Variants in UNC5A observed in about 807,000 individuals in gnomAD.
The protein encoded by UNC5A is unc-5 netrin receptor A, also known as netrin receptor UNC5A.
Under a neutral mutation model 87.4 loss-of-function variants are expected in UNC5A, and 20 were observed. The ratio of observed to expected loss-of-function variants is 0.23; its 90% CI spans 0.16 to 0.33. The LOEUF (loss-of-function observed/expected upper bound fraction) is 0.33, where lower values mean the gene tolerates loss of function less well. UNC5A is among the 10% of genes least tolerant of loss of function. The probability of loss-of-function intolerance (pLI) is 1.00; values close to 1 mark genes in which losing one functional copy is unlikely to be tolerated. For missense variants in UNC5A, 844 were observed against 1,133.4 expected, an observed-to-expected ratio of 0.74 and a Z score of 3.67; for synonymous variants, 438 against 482.3, an observed-to-expected ratio of 0.91 and a Z score of 1.20.
chr5:176,815,501 T>C (rs1581239849), intron 1 of UNC5A, among the ~76,000 whole-genome samples: 1 of 152,256 alleles, frequency 6.6e-6, no homozygotes, highest in African/African-American at 2.4e-5. Context: ...GTCCCCAGCC[T>C]GTTTCCACAT....
chr5:176,878,067 C>T lies in UNC5A; in HGVS notation c.1809C>T (p.Cys603=). The stretch of plus-strand genomic sequence containing the variant: ...TGCTTCTGTTTGCGCCGGTGGCCTG[C>T]ACCTCCCTCGAGTACAACATCCGGG... ...LKLLLFAPVA[C]TSLEYNIRVY... The change falls in exon 11 of 15, where the codon TGC becomes TGT. Residue 603 remains cysteine, a synonymous_variant. Transcript: ENST00000329542. 1 of 1,609,880 alleles carries T rather than the reference C, an allele frequency of 6.2e-7. No individual in the cohort carries two copies. Among genetic ancestry groups the T allele is most frequent in the Non-Finnish European group, 8.5e-7 (1 of 1,179,954 alleles).
At chr5:176,825,081 A>G (rs1354852026) in intron 1 of UNC5A, among the ~76,000 whole-genome samples, 1 of 152,124 alleles carries the variant, frequency 6.6e-6, no homozygotes, top group Non-Finnish European at 1.5e-5. Flanking sequence ...GTGGTGGAGG[A>G]TAGTCAGGTG....
chr5:176,828,519 C>G (rs1258738549), intron 1 of UNC5A, among the ~76,000 whole-genome samples: 1 of 152,132 alleles, frequency 6.6e-6, no homozygotes, highest in Admixed American at 6.5e-5. Flanking sequence ...CCTCAGCCCC[C>G]CCATCTTCCC....
At chr5:176,851,167 C>T (rs1757533339) in intron 1 of UNC5A, among the ~76,000 whole-genome samples, 1 of 152,260 alleles carries the variant, frequency 6.6e-6, no homozygotes. Flanking sequence ...TCTCGACTTA[C>T]TGTGCCTCTC....
At position 176,810,756 on chromosome 5, in the gene UNC5A, C is replaced by T. The variant is rs1234762399; in HGVS notation, c.6C>T (p.Ala2=). The T allele has an allele frequency of 3.4e-6, 4 of 1,180,768 alleles. No homozygotes were observed. Among genetic ancestry groups the T allele is most frequent in the African/African-American group, 3.2e-5 (2 of 62,046 alleles). The allele number at this position is 1,180,768 out of a possible 1,614,324, so 73.1% of individuals were successfully genotyped here. Reference sequence around the variant, plus strand: ...CCGCCTGCCCGCCCGCGGCCATGGCCGTCCGGCCCGGCCTGTGGCCAGCGC... The same window carrying T: ...CCGCCTGCCCGCCCGCGGCCATGGCTGTCCGGCCCGGCCTGTGGCCAGCGC... M[A]VRPGLWPALL... is the part of the protein sequence containing the mutation. The change falls in exon 1 of 15, where the codon GCC becomes GCT. Residue 2 remains alanine (A), a synonymous_variant. Coordinates refer to ENST00000329542, the MANE Select transcript of UNC5A (RefSeq NM_133369.3). This position sits in a 1 kb window ranked among gnomAD's most constrained non-coding sequence, Gnocchi z 7.3.
chr5:176,833,796 C>T (rs930605152), intron 1 of UNC5A, among the ~76,000 whole-genome samples: 1 of 151,734 alleles, frequency 6.6e-6, no homozygotes, highest in Non-Finnish European at 1.5e-5. Context: ...GCAAGCTCCA[C>T]CTCCTGGGTT....
intron 1 of UNC5A, among the ~76,000 whole-genome samples, chr5:176,839,980 G>A (rs146172992): frequency 0.015 from 2,227 of 151,968 alleles, 38 homozygotes; most frequent in African/African-American, 0.042. Context: ...TCAGCCTCCT[G>A]AGTAGCTGGG....
intron 6 of UNC5A, among the ~76,000 whole-genome samples, chr5:176,870,786 C>A (rs1758090890): frequency 6.6e-6 from 1 of 151,800 alleles, no homozygotes; most frequent in Non-Finnish European, 1.5e-5. Flanking sequence ...CCCACACTTA[C>A]CCAACACCAC....
Position 176,874,911 on chromosome 5 carries a change from C to T in UNC5A, c.1378+345C>T, listed in dbSNP as rs561367590. Among the ~76,000 whole-genome samples, 3 of 152,328 alleles carry T rather than the reference C, an allele frequency of 2.0e-5. No homozygotes were observed. Among genetic ancestry groups the T allele is most frequent in the South Asian group, 2.1e-4 (1 of 4,832 alleles). Reference sequence around the variant, plus strand: ...ACAACCAAGGGCAAACAGATGAGCACGGGCCTGGGCAGAGGCCATCCTGGA... The same window carrying T: ...ACAACCAAGGGCAAACAGATGAGCATGGGCCTGGGCAGAGGCCATCCTGGA... On this transcript the variant is annotated intron_variant, in intron 8 of 14. Coordinates refer to ENST00000329542, the MANE Select transcript of UNC5A (RefSeq NM_133369.3). This position sits in a 1 kb window ranked among gnomAD's most constrained non-coding sequence, Gnocchi z 7.6.
At chr5:176,858,768 A>AAGGAAGGCAGGC (rs1554098977) in intron 1 of UNC5A, among the ~76,000 whole-genome samples, 5 of 135,870 alleles carry the variant, frequency 3.7e-5, no homozygotes, top group Admixed American at 7.1e-5. Context: ...GGAAGGAAGG[A>AAGGAAGGCAGGC]AGGAAGGCAA....
chr5:176,832,506 G>A (rs920267132), intron 1 of UNC5A, among the ~76,000 whole-genome samples: 2 of 152,170 alleles, frequency 1.3e-5, no homozygotes, highest in Non-Finnish European at 2.9e-5. Context: ...TGAAGGATGG[G>A]GACAGCAGTC....
intron 8 of UNC5A, among the ~76,000 whole-genome samples, chr5:176,876,013 G>A (rs923329216): frequency 7.2e-5 from 11 of 152,234 alleles, no homozygotes; most frequent in African/African-American, 1.2e-4. Flanking sequence ...CTTGCTCTTC[G>A]CTCCCCAGGC....
chr5:176,829,269 C>A (rs1252248781), intron 1 of UNC5A, among the ~76,000 whole-genome samples: 4 of 124,090 alleles, frequency 3.2e-5, no homozygotes, highest in South Asian at 5.3e-4. Flanking sequence ...GGATGGGTGG[C>A]TGGATGGATG....
chr5:176,827,463 G>T (rs1024577218), intron 1 of UNC5A, among the ~76,000 whole-genome samples: 1 of 152,170 alleles, frequency 6.6e-6, no homozygotes. Flanking sequence ...GATTACAGGT[G>T]TGAGCCACCA....
intron 1 of UNC5A, among the ~76,000 whole-genome samples, chr5:176,818,357 C>T (rs1254321317): frequency 6.6e-6 from 1 of 152,232 alleles, no homozygotes; most frequent in Non-Finnish European, 1.5e-5. Context: ...GGCTGGGGCT[C>T]CACTCCAGCC....
chr5:176,839,807 CTTTTTTTT>C (rs58515865), intron 1 of UNC5A, among the ~76,000 whole-genome samples: 8 of 123,886 alleles, frequency 6.5e-5, no homozygotes, highest in Middle Eastern at 4.3e-3. Context: ...CGGCCACTTC[CTTTTTTTT>C]TTTTTTTTTT....
rs549990548 is a variant in UNC5A, at chr5:176,848,928, G to A, written c.71-13696G>A. ...CAGGTACATCCTGCTACCCGCCCAG[G>A]TACCTGGGGCAATGGACAGCCGACC... is the stretch of plus-strand genomic sequence containing the variant. On this transcript the variant is annotated intron_variant, in intron 1 of 14. Transcript: ENST00000329542. This position sits in a 1 kb window ranked among gnomAD's most constrained non-coding sequence, Gnocchi z 5.8. Among the ~76,000 whole-genome samples the A allele has an allele frequency of 4.3e-4, 66 of 152,378 alleles. No individual in the cohort carries two copies. Among genetic ancestry groups the A allele is most frequent in the African/African-American group, 1.5e-3 (63 of 41,586 alleles).
chr5:176,879,204 C>T (rs1758346671), intron 13 of UNC5A, 106 bp from the exon 14 acceptor site: 4 of 1,359,780 alleles, frequency 2.9e-6, no homozygotes, highest in South Asian at 1.4e-5. Flanking sequence ...GTGCTCATGC[C>T]GCCCCCATGC....
intron 1 of UNC5A, among the ~76,000 whole-genome samples, chr5:176,840,295 G>A (rs1256392632): frequency 6.6e-6 from 1 of 152,184 alleles, no homozygotes; most frequent in African/African-American, 2.4e-5. Context: ...CAGAGTGTCA[G>A]AGAGAGGAGG....
Sources: allele counts gnomAD v4.1 joint callset (sites outside exome capture counted in the v4.1 genomes callset), GRCh38; gene constraint gnomAD v4.1.1; non-coding constraint Gnocchi (gnomAD v3.1); transcripts MANE v1.5; gene names NCBI Gene and HGNC (gene_info 2026-07-23, HGNC 2026-07-21).